SYF2: variants seen among roughly 807,000 people sequenced by gnomAD.
The protein encoded by SYF2 is pre-mRNA-splicing factor SYF2.
A neutral mutation model predicts 32.7 loss-of-function variants in SYF2; 21 were observed. That is an observed-to-expected ratio of 0.64 (90% CI 0.45 to 0.92). The LOEUF (loss-of-function observed/expected upper bound fraction) is 0.92. Among genes scored for constraint, SYF2 ranks in the 40% least tolerant of loss-of-function variants. The probability of loss-of-function intolerance (pLI) is 0.00; values close to 1 mark genes in which losing one functional copy is unlikely to be tolerated. For synonymous variants in SYF2, 114 were observed against 103.9 expected (o/e 1.10, Z -0.59); for missense variants, 278 against 296.5 (o/e 0.94, Z 0.46).
intron 4 of SYF2, 25 bp from the exon 5 acceptor site, chr1:25,227,557 C>G (rs1422747910): frequency 1.9e-6 from 3 of 1,597,680 alleles, no homozygotes; most frequent in Non-Finnish European, 2.6e-6. Flanking sequence ...TGAGAATCAG[C>G]GATAATATAT....
rs141699088 is a variant in SYF2, at chr1:25,228,338, T to C, written c.259-103A>G. 55 of 1,028,408 alleles carry C rather than the reference T, an allele frequency of 5.3e-5. 1 individual carries two copies. In the East Asian group the frequency reaches 6.0e-4, roughly 11 times the overall value. The allele number at this position is 1,028,408 out of a possible 1,614,324, so 63.7% of individuals were successfully genotyped here. On this transcript the variant is annotated intron_variant, in intron 3 of 6. Transcript: ENST00000236273. ...CAATAAATATCAACCAATACTTTAA[T>C]AGTATTTTTTTAGTTGGAGTTTCAC...
chr1:25,231,861 C>A, intron 2 of SYF2: 2 of 587,546 alleles, frequency 3.4e-6, no homozygotes, highest in Non-Finnish European at 3.1e-6. Flanking sequence ...CCAAACCTAA[C>A]CCAGATACAT....
rs1255991937 is a variant in SYF2 at position 25,231,974 on chromosome 1, G to C, written c.132+130C>G. 8.6e-6 allele frequency: 8 copies of C among 930,818 alleles called. No homozygotes were observed. The African/African-American group carries it at 9.8e-5, about 11-fold the overall frequency. The allele number at this position is 930,818 out of a possible 1,614,324, so 57.7% of individuals were successfully genotyped here. ...TGCCAGGGTTGAGTACCACCGAACA[G>C]AGCTTTCCTCTCAGATGATCCTGCT... is the stretch of plus-strand genomic sequence containing the variant. On this transcript the variant is annotated intron_variant, in intron 2 of 6. Transcript: ENST00000236273.
In SYF2 at chr1:25,223,038, C is replaced by T. The variant is rs895759667; in HGVS notation, c.*228G>A. 2 of 379,018 alleles carry T rather than the reference C, an allele frequency of 5.3e-6. No homozygotes were observed. Among genetic ancestry groups the T allele is most frequent in the Non-Finnish European group, 4.7e-6 (1 of 211,572 alleles). 23.5% of individuals were successfully genotyped at this position (379,018 alleles called of 1,614,324 possible). A position where few individuals can be genotyped will look rare whatever the true frequency, so the allele number is the denominator to read the frequency against. ...ATTAGAATGTATACAAAGTAGATTACAAAACAACTTCACTACAAGAAATAC... is the reference window on the plus strand; with the variant it reads ...ATTAGAATGTATACAAAGTAGATTATAAAACAACTTCACTACAAGAAATAC... On this transcript the variant is annotated 3_prime_UTR_variant, in exon 7 of 7. Coordinates refer to ENST00000236273, the MANE Select transcript of SYF2 (RefSeq NM_015484.5).
intron 1 of SYF2, 27 bp downstream of exon 1, chr1:25,232,417 C>A (rs1638653765): frequency 6.2e-7 from 1 of 1,614,232 alleles, no homozygotes; most frequent in African/African-American, 1.3e-5. Flanking sequence ...CCAACAAAAC[C>A]CCCGGTGTAC....
chr1:25,229,333 T>G (rs1409031939), intron 2 of SYF2, among the ~76,000 whole-genome samples: 1 of 152,236 alleles, frequency 6.6e-6, no homozygotes, highest in Non-Finnish European at 1.5e-5. Context: ...TGTGTTGAGT[T>G]GCACTGGTTT....
chr1:25,226,541 C>T (rs1031639133), intron 5 of SYF2, among the ~76,000 whole-genome samples: 8 of 152,228 alleles, frequency 5.3e-5, no homozygotes, highest in African/African-American at 1.9e-4. Flanking sequence ...AGCACTAAAG[C>T]ATTCTGCCTC....
chr1:25,228,939 T>C, intron 3 of SYF2, 59 bp downstream of exon 3: 1 of 1,569,234 alleles, frequency 6.4e-7, no homozygotes, highest in Non-Finnish European at 8.6e-7. Flanking sequence ...CATGTTGTAG[T>C]GTCTTGATAC....
At chr1:25,232,312 T>A (rs185863787) in intron 1 of SYF2, 101 bp from the exon 2 acceptor site, 2 of 1,583,502 alleles carry the variant, frequency 1.3e-6, no homozygotes, top group South Asian at 1.1e-5. Context: ...GCCTAGGGCC[T>A]CCACCGCCGA....
At chr1:25,231,858 T>C in intron 2 of SYF2, 1 of 581,390 alleles carries the variant, frequency 1.7e-6, no homozygotes, top group Non-Finnish European at 3.1e-6. Flanking sequence ...CTCCCAAACC[T>C]AACCCAGATA....
rs113058743 is a variant in SYF2 at position 25,227,630 on chromosome 1, T to C, written c.377-98A>G. The C allele has an allele frequency of 6.3e-5, 67 of 1,065,882 alleles. No individual in the cohort carries two copies. The African/African-American group carries it at 8.0e-4, about 13-fold the overall frequency. 66.0% of individuals were successfully genotyped at this position (1,065,882 alleles called of 1,614,324 possible). ...AATTATCACAGGTGAGTATCTTTTATCCAAAACGCTTGGAATCGGAAGTGT... is the reference window on the plus strand; with the variant it reads ...AATTATCACAGGTGAGTATCTTTTACCCAAAACGCTTGGAATCGGAAGTGT... On this transcript the variant is annotated intron_variant, in intron 4 of 6. Coordinates refer to ENST00000236273, the MANE Select transcript of SYF2 (RefSeq NM_015484.5).
At chr1:25,229,182 CT>C in intron 2 of SYF2, 59 bp from the exon 3 acceptor site, 3 of 1,578,786 alleles carry the variant, frequency 1.9e-6, no homozygotes, top group Non-Finnish European at 2.6e-6. Flanking sequence ...CCAGATACAC[CT>C]TGCCTTCTTT....
chr1:25,225,839 C>T (rs1638499254), intron 5 of SYF2, among the ~76,000 whole-genome samples: 1 of 147,880 alleles, frequency 6.8e-6, no homozygotes, highest in South Asian at 2.1e-4. Context: ...GCCCAGGCGA[C>T]AGTGCAAGAC....
intron 2 of SYF2, chr1:25,231,728 G>A (rs1329057752): frequency 4.6e-6 from 1 of 216,280 alleles, no homozygotes; most frequent in Non-Finnish European, 9.3e-6. Context: ...TTTTTAAAGT[G>A]AACCAGGTCT....
At chr1:25,230,485 A>T (rs1216474971) in intron 2 of SYF2, 1 of 152,158 alleles carries the variant, frequency 6.6e-6, no homozygotes, top group Non-Finnish European at 1.5e-5. Context: ...TTACACAATC[A>T]CTCTAAATAT....
chr1:25,223,859 A>T (rs11249004), intron 6 of SYF2, among the ~76,000 whole-genome samples: 13,224 of 152,054 alleles, frequency 0.087, 1,694 homozygotes, highest in African/African-American at 0.28. Context: ...TATAAAAAAA[A>T]TTTTTTTGAA....
rs1638481000 is a variant in SYF2, at chr1:25,225,103, G to A, written c.468-3C>T. 10 of 1,605,744 alleles carry A rather than the reference G, an allele frequency of 6.2e-6. No homozygotes were observed. Among genetic ancestry groups the A allele is most frequent in the Non-Finnish European group, 8.5e-6 (10 of 1,172,434 alleles). ...ATGTTGGGAAAAACTCTTCTCCACTGAAAAGGCAGCAAAATGAACTTACAG... is the reference window on the plus strand; with the variant it reads ...ATGTTGGGAAAAACTCTTCTCCACTAAAAAGGCAGCAAAATGAACTTACAG... On this transcript the variant is annotated splice_region_variant and splice_polypyrimidine_tract_variant and intron_variant, in intron 5 of 6. Coordinates refer to ENST00000236273, the MANE Select transcript of SYF2 (RefSeq NM_015484.5).
intron 3 of SYF2, 91 bp from the exon 4 acceptor site, chr1:25,228,326 C>T: frequency 6.3e-6 from 7 of 1,111,788 alleles, no homozygotes; most frequent in Non-Finnish European, 9.2e-6. Context: ...TAAATATCAA[C>T]CAATACTTTA....
chr1:25,227,101 G>A (rs551362029), intron 5 of SYF2, among the ~76,000 whole-genome samples: 26 of 152,190 alleles, frequency 1.7e-4, no homozygotes, highest in Middle Eastern at 3.4e-3. Flanking sequence ...TGGCCAACGT[G>A]GTGAAACCCC....
Sources: allele counts gnomAD v4.1 joint callset (sites outside exome capture counted in the v4.1 genomes callset), GRCh38; gene constraint gnomAD v4.1.1; transcripts MANE v1.5; gene names NCBI Gene and HGNC (gene_info 2026-07-23, HGNC 2026-07-21).